Variants in FOXP2 observed in about 807,000 individuals in gnomAD.
FOXP2 encodes the protein forkhead box protein P2.
A neutral mutation model predicts 115.8 loss-of-function variants in FOXP2; 12 were observed. The observed-to-expected ratio is 0.10, with a 90% confidence interval of 0.07 to 0.17. FOXP2 has a LOEUF of 0.17. Ranked by LOEUF, FOXP2 falls within the 10% of genes least tolerant of loss-of-function variation. FOXP2 has a pLI of 1.00. For synonymous variants in FOXP2, 328 were observed against 297.7 expected (o/e 1.10, Z -1.05); for missense variants, 629 against 843.5 (o/e 0.75, Z 3.15).
chr7:114,307,346 A>T (rs1190493945), intron 2 of FOXP2, among the ~76,000 whole-genome samples: 1 of 152,164 alleles, frequency 6.6e-6, no homozygotes, highest in Non-Finnish European at 1.5e-5. Flanking sequence ...ATAACTAGCC[A>T]GGACAGACTA....
upstream of FOXP2, among the ~76,000 whole-genome samples, chr7:114,413,525 A>G (rs948243308): frequency 6.6e-6 from 1 of 152,146 alleles, no homozygotes; most frequent in African/African-American, 2.4e-5. Flanking sequence ...TTATTTAACT[A>G]TAAAATGAAA....
At chr7:114,274,274 CAT>C (rs1269893770) in intron 1 of FOXP2, among the ~76,000 whole-genome samples, 2 of 152,006 alleles carry the variant, frequency 1.3e-5, no homozygotes, top group Non-Finnish European at 2.9e-5. Flanking sequence ...CATGCATAAG[CAT>C]ATATACACAT....
intron 2 of FOXP2, among the ~76,000 whole-genome samples, chr7:114,489,972 A>T (rs1371449951): frequency 6.6e-6 from 1 of 152,114 alleles, no homozygotes; most frequent in African/African-American, 2.4e-5. Context: ...TCTGTTCCTT[A>T]TTGGTGAAAT....
intron 2 of FOXP2, among the ~76,000 whole-genome samples, chr7:114,503,077 C>A (rs1001805088): frequency 6.6e-6 from 1 of 151,862 alleles, no homozygotes; most frequent in African/African-American, 2.4e-5. Context: ...ATGGCACAGC[C>A]GAAAGTAGCA....
intron 2 of FOXP2, among the ~76,000 whole-genome samples, chr7:114,532,876 T>C (rs1562981192): frequency 6.6e-6 from 1 of 151,906 alleles, no homozygotes; most frequent in Non-Finnish European, 1.5e-5. Flanking sequence ...GTAATTTCCA[T>C]TTGGAAAATT....
At chr7:114,508,459 G>C (rs952729153) in intron 2 of FOXP2, among the ~76,000 whole-genome samples, 1 of 152,038 alleles carries the variant, frequency 6.6e-6, no homozygotes, top group Admixed American at 6.6e-5. Context: ...TTATGATCTA[G>C]TCCTACAAAA....
chr7:114,277,321 A>G (rs1247433925), intron 1 of FOXP2, among the ~76,000 whole-genome samples: 1 of 152,228 alleles, frequency 6.6e-6, no homozygotes, highest in African/African-American at 2.4e-5. Flanking sequence ...ACAGTGAGGA[A>G]TGCTTTAAGG....
rs746754336 is a variant in FOXP2, at chr7:114,629,972, G to A, written c.564G>A (p.Gln188=). ...AGCAGCAGCAGCAACAGCAGCAGCAGCAGCAACAGCATCCTGGAAAGCAAG... is the reference window on the plus strand; with the variant it reads ...AGCAGCAGCAGCAACAGCAGCAGCAACAGCAACAGCATCCTGGAAAGCAAG... The part of the protein sequence containing the change: ...QQQQQQQQQQ[Q]QQQHPGKQAK... Residue 188 remains glutamine, a synonymous_variant, in exon 5 of 17, where the codon CAG becomes CAA. Coordinates refer to ENST00000350908, the MANE Select transcript of FOXP2 (RefSeq NM_014491.4). The A allele has an allele frequency of 8.1e-6, 13 of 1,611,094 alleles. No individual in the cohort carries two copies. In the Admixed American group the frequency reaches 2.2e-4, roughly 27 times the overall value.
At chr7:114,307,974 G>T (rs943804077) in intron 2 of FOXP2, among the ~76,000 whole-genome samples, 1 of 152,016 alleles carries the variant, frequency 6.6e-6, no homozygotes, top group African/African-American at 2.4e-5. Flanking sequence ...GCTGGGCTGT[G>T]GCACTAGATC....
chr7:114,407,767 C>CAA (rs1323524422), intron 2 of FOXP2, among the ~76,000 whole-genome samples: 1 of 151,964 alleles, frequency 6.6e-6, no homozygotes, highest in African/African-American at 2.4e-5. Flanking sequence ...TAGCGTTTTG[C>CAA]AAAAAGTATG....
At chr7:114,642,312 C>T in intron 6 of FOXP2, 98 bp from the exon 7 acceptor site, 1 of 907,746 alleles carries the variant, frequency 1.1e-6, no homozygotes, top group East Asian at 2.6e-5. Context: ...GGTAACATCA[C>T]TGTTGTTGTT....
chr7:114,101,179 T>C (rs997772643), intron 1 of FOXP2, among the ~76,000 whole-genome samples: 5 of 152,186 alleles, frequency 3.3e-5, no homozygotes, highest in African/African-American at 1.2e-4. Context: ...AGGAACCCCA[T>C]GTTTAGGAAG....
chr7:114,379,589 G>A (rs1467127365), intron 2 of FOXP2, among the ~76,000 whole-genome samples: 1 of 152,134 alleles, frequency 6.6e-6, no homozygotes, highest in Non-Finnish European at 1.5e-5. Context: ...CATTTCAGGG[G>A]TCCACGGTGG....
chr7:114,185,398 C>T (rs1317798671), intron 1 of FOXP2, among the ~76,000 whole-genome samples: 1 of 151,902 alleles, frequency 6.6e-6, no homozygotes, highest in Non-Finnish European at 1.5e-5. Context: ...TATCTCTGGG[C>T]TCTAAATTTT....
chr7:114,378,701 A>AAAAAAAAAAAAAAAAAAAAAAAG (rs1554380027), intron 2 of FOXP2, among the ~76,000 whole-genome samples: 16 of 106,794 alleles, frequency 1.5e-4, no homozygotes, highest in African/African-American at 5.3e-4. Context: ...AAAAAAAAAA[A>AAAAAAAAAAAAAAAAAAAAAAAG]GGAAAAGAAA....
intron 1 of FOXP2, among the ~76,000 whole-genome samples, chr7:114,276,458 C>A (rs1202415187): frequency 1.3e-5 from 2 of 152,134 alleles, no homozygotes; most frequent in East Asian, 3.9e-4. Flanking sequence ...AGCCACCACA[C>A]CCGGCCACTG....
intron 3 of FOXP2, chr7:114,538,306 T>A (rs1478907403): frequency 7.7e-7 from 1 of 1,299,022 alleles, no homozygotes; most frequent in Non-Finnish European, 1.0e-6. Flanking sequence ...GTCGCATTAT[T>A]GTTCTTGTTA....
chr7:114,452,261 T>C (rs1795106610), intron 2 of FOXP2, among the ~76,000 whole-genome samples: 1 of 151,876 alleles, frequency 6.6e-6, no homozygotes, highest in South Asian at 2.1e-4. Flanking sequence ...CCTATAAATC[T>C]CTTCAGATTG....
intron 2 of FOXP2, among the ~76,000 whole-genome samples, chr7:114,322,311 C>A (rs1337275492): frequency 6.6e-6 from 1 of 151,584 alleles, no homozygotes; most frequent in Non-Finnish European, 1.5e-5. Flanking sequence ...GCATGAGCCA[C>A]CATACCCTGA....
Sources: gnomAD v4.1 joint callset for allele counts (sites outside exome capture counted in the v4.1 genomes callset) on GRCh38, gnomAD v4.1.1 for gene constraint, MANE v1.5 for transcripts, NCBI Gene and HGNC (gene_info 2026-07-23, HGNC 2026-07-21) for gene names.